PARL: variants seen among roughly 807,000 people sequenced by gnomAD.
PARL encodes the protein presenilin-associated rhomboid-like protein, mitochondrial.
PARL carries 44 observed loss-of-function variants against 51.6 expected under a neutral mutation model. The observed-to-expected ratio is 0.85, with a 90% CI of 0.67 to 1.10. The LOEUF is 1.10. Ranked by LOEUF, PARL falls within the 50% of genes least tolerant of loss-of-function variation. PARL has a pLI of 0.00. For synonymous variants in PARL, 172 were observed against 164.0 expected (o/e 1.05, Z -0.37); for missense variants, 441 against 469.5 (o/e 0.94, Z 0.56).
At chr3:183,878,429 G>A (rs192331851) in intron 1 of PARL, among the ~76,000 whole-genome samples, 42 of 152,290 alleles carry the variant, frequency 2.8e-4, no homozygotes, top group African/African-American at 1.0e-3. Flanking sequence ...TGGCCATGGT[G>A]TTTTATCTAC....
chr3:183,883,040 C>T (rs1002070211), intron 1 of PARL, among the ~76,000 whole-genome samples: 3 of 152,150 alleles, frequency 2.0e-5, no homozygotes, highest in Admixed American at 6.6e-5. Context: ...TATGCAACCA[C>T]GAAAATGTCA....
Position 183,829,472 on chromosome 3 carries a change from A to T in PARL, c.*126T>A. The T allele has an allele frequency of 5.6e-6, 9 of 1,608,154 alleles. No individual in the cohort carries two copies. The highest frequency in any genetic ancestry group is 7.6e-6 in the Non-Finnish European group (9 of 1,177,608). On this transcript the variant is annotated 3_prime_UTR_variant, in exon 10 of 10. Coordinates refer to ENST00000317096, the MANE Select transcript of PARL (RefSeq NM_018622.7). ...AGACACGGACTGGGGGACACAGCTG[A>T]AAACAGTGGGAGGCCAGATGCTGGC...
intron 3 of PARL, among the ~76,000 whole-genome samples, chr3:183,865,181 G>A (rs986112456): frequency 6.6e-6 from 1 of 152,052 alleles, no homozygotes; most frequent in East Asian, 1.9e-4. Flanking sequence ...GGTGGCACAC[G>A]CCTGTAGTCC....
rs1342690993 is a variant in PARL at position 183,882,247 on chromosome 3, A to ATATATATATATATATATATATT, written c.125+2453_125+2474dup. 2.2e-3 allele frequency among the ~76,000 whole-genome samples: 52 copies of ATATATATATATATATATATATT among 23,316 alleles called. 1 individual carries two copies. The highest frequency in any genetic ancestry group is 0.011 in the South Asian group (7 of 664). 15.3% of individuals were successfully genotyped at this position (23,316 alleles called of 152,430 possible). A position where few individuals can be genotyped will look rare whatever the true frequency, so the allele number is the denominator to read the frequency against. ...AATATATATATATATATATATATTTATATATATATATATATATATATTTAT... is the reference window on the plus strand; with the variant it reads ...AATATATATATATATATATATATTTATATATATATATATATATATATTTATATATATATATATATATATTTAT... On this transcript the variant is annotated intron_variant, in intron 1 of 9. Coordinates refer to ENST00000317096, the MANE Select transcript of PARL (RefSeq NM_018622.7).
At chr3:183,835,605 G>A (rs1318795320) in intron 7 of PARL, among the ~76,000 whole-genome samples, 2 of 152,176 alleles carry the variant, frequency 1.3e-5, no homozygotes, top group African/African-American at 2.4e-5. Context: ...GGTGGCTCAC[G>A]CCTGTAATCC....
intron 4 of PARL, among the ~76,000 whole-genome samples, chr3:183,862,116 A>G (rs947429551): frequency 2.6e-5 from 4 of 152,214 alleles, no homozygotes; most frequent in Admixed American, 1.3e-4. Flanking sequence ...ACTCCATGAA[A>G]TATTGCAGAG....
At chr3:183,846,449 C>T (rs113420182) in intron 4 of PARL, 45,290 of 838,224 alleles carry the variant, frequency 0.054, 1,290 homozygotes, top group Middle Eastern at 0.065. Flanking sequence ...GCCGAGATCA[C>T]GCCATTGCAC....
At chr3:183,831,091 C>T (rs1332018988) in intron 9 of PARL, among the ~76,000 whole-genome samples, 21 of 152,160 alleles carry the variant, frequency 1.4e-4, no homozygotes, top group Admixed American at 1.4e-3. Context: ...ATTCTCCTGC[C>T]TCAGCCTCCA....
At chr3:183,880,013 G>C (rs986831594) in intron 1 of PARL, among the ~76,000 whole-genome samples, 3 of 151,878 alleles carry the variant, frequency 2.0e-5, no homozygotes, top group African/African-American at 7.3e-5. Context: ...AAGGATTACA[G>C]GAGTGAGCCA....
chr3:183,870,900 TCAGTTAATATA>T (rs1172237903), intron 1 of PARL, among the ~76,000 whole-genome samples: 2 of 152,164 alleles, frequency 1.3e-5, no homozygotes, highest in African/African-American at 4.8e-5. Context: ...CCTTCAGATT[TCAGTTAATATA>T]TCTCCTCCTC....
intron 3 of PARL, among the ~76,000 whole-genome samples, 161 bp from the exon 4 acceptor site, chr3:183,862,962 A>G (rs1554397): frequency 0.75 from 114,123 of 152,074 alleles, 43,099 homozygotes; most frequent in East Asian, 0.96. Context: ...GAAAAGGCAC[A>G]TGTTTTATAG....
At chr3:183,842,193 G>T in intron 6 of PARL, 105 bp downstream of exon 6, 1 of 1,096,686 alleles carries the variant, frequency 9.1e-7, no homozygotes, top group Non-Finnish European at 1.4e-6. Context: ...TATGTTCTGA[G>T]CACTCACTAC....
Position 183,873,695 on chromosome 3 carries a change from AATC to A in PARL, c.126-5638_126-5636del, listed in dbSNP as rs1560429410. 7.9e-5 allele frequency among the ~76,000 whole-genome samples: 12 copies of A among 152,300 alleles called. No homozygotes were observed. The South Asian group carries it at 2.5e-3, about 32-fold the overall frequency. On this transcript the variant is annotated intron_variant, in intron 1 of 9. Coordinates refer to ENST00000317096, the MANE Select transcript of PARL (RefSeq NM_018622.7). ...TATTTCCAACAGCTTAATACTACAC[AATC>A]AATTCTAATAAAAAACTACTTCTAC...
At chr3:183,842,520 TA>T in intron 5 of PARL, 73 bp from the exon 6 acceptor site, 1 of 1,463,408 alleles carries the variant, frequency 6.8e-7, no homozygotes, top group East Asian at 2.3e-5. Flanking sequence ...TTTAAACTTT[TA>T]AAATTAGGCC....
intron 4 of PARL, chr3:183,861,202 A>C (rs1731789772): frequency 1.1e-6 from 1 of 879,000 alleles, no homozygotes; most frequent in Admixed American, 6.2e-5. Flanking sequence ...CTTTGAAGTA[A>C]TCATTTTAAG....
chr3:183,857,320 A>G (rs1731283756), intron 4 of PARL, among the ~76,000 whole-genome samples: 1 of 152,262 alleles, frequency 6.6e-6, no homozygotes, highest in Non-Finnish European at 1.5e-5. Context: ...TGCTGGTTAC[A>G]TGGATGTGCT....
intron 9 of PARL, among the ~76,000 whole-genome samples, chr3:183,831,037 C>T (rs189451115): frequency 2.8e-4 from 42 of 152,278 alleles, no homozygotes; most frequent in Admixed American, 5.2e-4. Context: ...AGTGCAGTGG[C>T]GTGATCTCAG....
chr3:183,837,338 CAA>C (rs1456205646), intron 7 of PARL, among the ~76,000 whole-genome samples: 2 of 151,920 alleles, frequency 1.3e-5, no homozygotes, highest in East Asian at 3.9e-4. Context: ...AGTCAAGGAC[CAA>C]AAAAAGATAG....
At position 183,844,327 on chromosome 3, in the gene PARL, C is replaced by T. The variant is rs1311702999; in HGVS notation, c.512-1G>A. Reference sequence around the variant, plus strand: ...ACAAGGACATTTGCAGCTATAATACCTACAAAATAAATATTTATAATTTAG... The same window carrying T: ...ACAAGGACATTTGCAGCTATAATACTTACAAAATAAATATTTATAATTTAG... On this transcript the variant is annotated splice_acceptor_variant, in intron 4 of 9. Transcript: ENST00000317096. LOFTEE classifies it high-confidence loss of function. The T allele has an allele frequency of 1.3e-6, 2 of 1,545,910 alleles. No homozygotes were observed. The highest frequency in any genetic ancestry group is 1.8e-6 in the Non-Finnish European group (2 of 1,117,910).
Sources: gnomAD v4.1 joint callset for allele counts (sites outside exome capture counted in the v4.1 genomes callset) on GRCh38, gnomAD v4.1.1 for gene constraint, MANE v1.5 for transcripts, NCBI Gene and HGNC (gene_info 2026-07-23, HGNC 2026-07-21) for gene names.